The following C4orf36 variants were observed in gnomAD, a reference collection of about 807,000 sequenced individuals.
C4orf36 encodes uncharacterized protein C4orf36.
Under a neutral mutation model 12.2 loss-of-function variants are expected in C4orf36, and 11 were observed. The ratio of observed to expected loss-of-function variants is 0.90; its 90% CI spans 0.57 to 1.49. The LOEUF (loss-of-function observed/expected upper bound fraction) is 1.49, where lower values mean the gene tolerates loss of function less well. C4orf36 is among the 40% of genes most tolerant of loss of function. C4orf36 has a pLI of 0.00. For synonymous variants in C4orf36, 54 were observed against 51.3 expected (o/e 1.05, Z -0.22); for missense variants, 137 against 133.9 (o/e 1.02, Z -0.11).
At chr4:86,935,988 C>CT in the C4orf36 span, 3 of 152,146 alleles carry the variant, frequency 2.0e-5, no homozygotes, top group African/African-American at 7.2e-5. Context: ...CACACGTTAC[C>CT]TTAGTGTAAT....
At chr4:86,908,431 G>A in the C4orf36 span, among the ~76,000 whole-genome samples, 1 of 144,694 alleles carries the variant, frequency 6.9e-6, no homozygotes, top group Non-Finnish European at 1.5e-5. Flanking sequence ...AGCTACTTTC[G>A]TTTCTCTATT....
the C4orf36 span, among the ~76,000 whole-genome samples, chr4:86,922,897 C>T: frequency 1.3e-5 from 2 of 152,076 alleles, no homozygotes; most frequent in African/African-American, 4.8e-5. Context: ...GGATGTTCTC[C>T]CTCAGCCTTA....
chr4:86,917,330 T>TGAAGGAAG, the C4orf36 span, among the ~76,000 whole-genome samples: 3 of 132,280 alleles, frequency 2.3e-5, no homozygotes, highest in East Asian at 2.2e-4. Context: ...GAGAGAGAGA[T>TGAAGGAAG]GAAGGAAGGA....
chr4:86,890,061 G>A, intron 2 of C4orf36: 3 of 454,406 alleles, frequency 6.6e-6, no homozygotes, highest in Non-Finnish European at 1.3e-5. Context: ...GCACAGTGGT[G>A]TGTGCCTGTG....
intron 4 of C4orf36, among the ~76,000 whole-genome samples, chr4:86,879,415 G>A (rs1578772969): frequency 1.3e-5 from 2 of 152,182 alleles, no homozygotes; most frequent in African/African-American, 2.4e-5. Context: ...ATTCACTAGA[G>A]GAGTTCAACA....
At chr4:86,876,617 A>G (rs1177077610) in intron 4 of C4orf36, 174 bp from the exon 5 acceptor site, 42 of 1,613,900 alleles carry the variant, frequency 2.6e-5, no homozygotes, top group Non-Finnish European at 3.2e-5. Context: ...ACAGTTCTTC[A>G]ATGAACCAGA....
chr4:86,917,718 G>C, the C4orf36 span, among the ~76,000 whole-genome samples: 2 of 152,314 alleles, frequency 1.3e-5, no homozygotes, highest in East Asian at 3.9e-4. Context: ...TGTGTTGTTA[G>C]CTGATTTTGT....
chr4:86,910,092 C>T, the C4orf36 span, among the ~76,000 whole-genome samples: 1 of 152,096 alleles, frequency 6.6e-6, no homozygotes, highest in South Asian at 2.1e-4. Flanking sequence ...TTCATTTCTG[C>T]TTCTCTCTGT....
chr4:86,909,532 C>T, the C4orf36 span, among the ~76,000 whole-genome samples: 512 of 152,206 alleles, frequency 3.4e-3, 1 homozygote, highest in African/African-American at 0.011. Flanking sequence ...TATCTCAGTG[C>T]GACACGATAG....
the C4orf36 span, among the ~76,000 whole-genome samples, chr4:86,922,773 C>T: frequency 6.6e-6 from 1 of 152,080 alleles, no homozygotes; most frequent in Admixed American, 6.5e-5. Context: ...CAGTGAATTC[C>T]TCTGTCATTT....
upstream of C4orf36, among the ~76,000 whole-genome samples, chr4:86,894,429 TG>T (rs1437689014): frequency 6.6e-6 from 1 of 152,078 alleles, no homozygotes; most frequent in Admixed American, 6.5e-5. Context: ...ATTTTAGAGA[TG>T]AAAAAACAGA....
chr4:86,896,365 T>G (rs185641125), upstream of C4orf36, among the ~76,000 whole-genome samples: 3 of 152,316 alleles, frequency 2.0e-5, no homozygotes, highest in East Asian at 5.8e-4. Context: ...TCATTCTCAT[T>G]TCAAAAAGTG....
chr4:86,898,903 C>G, the C4orf36 span, among the ~76,000 whole-genome samples: 2 of 152,248 alleles, frequency 1.3e-5, no homozygotes, highest in African/African-American at 2.4e-5. Flanking sequence ...GCCGAGTGCT[C>G]TGATAGAAAG....
intron 4 of C4orf36, among the ~76,000 whole-genome samples, chr4:86,883,209 A>G (rs1747089729): frequency 8.5e-6 from 1 of 117,564 alleles, no homozygotes; most frequent in Non-Finnish European, 2.1e-5. Context: ...TTTGCACACA[A>G]ATTCTCCATG....
chr4:86,903,066 TG>T, the C4orf36 span, among the ~76,000 whole-genome samples: 1 of 152,228 alleles, frequency 6.6e-6, no homozygotes, highest in African/African-American at 2.4e-5. Context: ...TAGAGATAAT[TG>T]CCTTCTCATT....
At chr4:86,930,175 A>G in the C4orf36 span, among the ~76,000 whole-genome samples, 11 of 152,194 alleles carry the variant, frequency 7.2e-5, no homozygotes, top group African/African-American at 2.2e-4. Flanking sequence ...TTTCCTTCCC[A>G]CTTCTCAACT....
At chr4:86,892,506 G>A, upstream of C4orf36, 1 of 971,852 alleles carries the variant, frequency 1.0e-6, no homozygotes, top group Non-Finnish European at 1.2e-6. Flanking sequence ...GCCGGGCCCG[G>A]GAGACGCGCC....
the C4orf36 span, among the ~76,000 whole-genome samples, chr4:86,898,985 G>C: frequency 6.6e-6 from 1 of 151,822 alleles, no homozygotes; most frequent in Non-Finnish European, 1.5e-5. Flanking sequence ...CAGCACTTTG[G>C]GAGACTGAGG....
intron 4 of C4orf36, 87 bp from the exon 5 acceptor site, chr4:86,876,530 T>C (rs1364922313): frequency 1.9e-5 from 31 of 1,613,818 alleles, no homozygotes; most frequent in Non-Finnish European, 2.6e-5. Flanking sequence ...TGTCGGATTG[T>C]GTGAAGCTAT....
Sources: gnomAD v4.1 joint callset for allele counts (sites outside exome capture counted in the v4.1 genomes callset) on GRCh38, gnomAD v4.1.1 for gene constraint, MANE v1.5 for transcripts, NCBI Gene and HGNC (gene_info 2026-07-23, HGNC 2026-07-21) for gene names.